FBXL2: variants seen among roughly 807,000 people sequenced by gnomAD.
The protein encoded by FBXL2 is F-box/LRR-repeat protein 2.
A neutral mutation model predicts 69.2 loss-of-function variants in FBXL2; 38 were observed. That is an observed-to-expected ratio of 0.55 (90% CI 0.42 to 0.72). The LOEUF is 0.72. Ranked by LOEUF, FBXL2 falls within the 30% of genes least tolerant of loss-of-function variation. The pLI, the probability that FBXL2 is intolerant of heterozygous loss-of-function variation, is 0.00. For synonymous variants in FBXL2, 192 were observed against 201.3 expected (o/e 0.95, Z 0.39); for missense variants, 354 against 520.3 (o/e 0.68, Z 3.11).
rs769508228 is a variant in FBXL2, at chr3:33,384,165, C to T, written c.1128C>T (p.Cys376=). Residue 376 remains cysteine (C), a synonymous_variant, in exon 14 of 15, where the codon TGC becomes TGT. Transcript: ENST00000484457. ...RGLERLELYD[C]QQVTRAGIKR... is the part of the protein sequence containing the mutation. Reference sequence around the variant, plus strand: ...TGGAGCGCCTCGAGCTGTACGACTGCCAGCAGGTTACCCGTGCAGGCATCA... The same window carrying T: ...TGGAGCGCCTCGAGCTGTACGACTGTCAGCAGGTTACCCGTGCAGGCATCA... The T allele has an allele frequency of 6.8e-6, 11 of 1,614,012 alleles. No individual in the cohort carries two copies. Among genetic ancestry groups the T allele is most frequent in the African/African-American group, 1.3e-5 (1 of 74,926 alleles).
chr3:33,399,374 CCTT>C (rs1214233554), intron 12 of FBXL2, among the ~76,000 whole-genome samples: 17 of 152,084 alleles, frequency 1.1e-4, no homozygotes, highest in South Asian at 2.1e-4. Flanking sequence ...TTTTAAAATT[CCTT>C]CTTAACATTC....
At chr3:33,368,047 A>G (rs1476514714) in intron 5 of FBXL2, among the ~76,000 whole-genome samples, 2 of 152,196 alleles carry the variant, frequency 1.3e-5, no homozygotes, top group Admixed American at 6.5e-5. Flanking sequence ...TCCTAATTCA[A>G]TTCAGTTGTG....
intron 2 of FBXL2, among the ~76,000 whole-genome samples, chr3:33,340,620 T>C (rs562184367): frequency 6.7e-6 from 1 of 148,258 alleles, no homozygotes; most frequent in East Asian, 2.0e-4. Context: ...GGCTGGGCGC[T>C]GTGGCTCATG....
intron 1 of FBXL2, among the ~76,000 whole-genome samples, chr3:33,294,272 T>A (rs2035535630): frequency 6.6e-6 from 1 of 151,802 alleles, no homozygotes; most frequent in African/African-American, 2.4e-5. Context: ...GATTTTTAAA[T>A]TTTTTTGTAG....
At position 33,384,134 on chromosome 3, in the gene FBXL2, G is replaced by A. The variant is rs779117733; in HGVS notation, c.1097G>A (p.Arg366Gln). 1.7e-5 allele frequency: 28 copies of A among 1,614,012 alleles called. No homozygotes were observed. Among genetic ancestry groups the A allele is most frequent in the Non-Finnish European group, 2.2e-5 (26 of 1,180,038 alleles). The change falls in exon 14 of 15, where the codon CGA (arginine) becomes CAA (glutamine). Residue 366 changes from arginine to glutamine, a missense_variant. Arg to Gln is a conservative substitution (Grantham distance 43). Transcript: ENST00000484457. ...DVALEHLENC[R>Q]GLERLELYDC... ...GCCCTGGAACACCTAGAGAACTGCCGAGGCCTGGAGCGCCTCGAGCTGTAC... is the reference window on the plus strand; with the variant it reads ...GCCCTGGAACACCTAGAGAACTGCCAAGGCCTGGAGCGCCTCGAGCTGTAC...
At chr3:33,343,942 A>G (rs1050038109) in intron 2 of FBXL2, among the ~76,000 whole-genome samples, 7 of 152,118 alleles carry the variant, frequency 4.6e-5, no homozygotes, top group African/African-American at 1.7e-4. Context: ...AATAAAAAAT[A>G]TATAAGCATT....
intron 2 of FBXL2, among the ~76,000 whole-genome samples, chr3:33,328,801 A>ATGTGTG (rs60685309): frequency 9.8e-4 from 144 of 146,884 alleles, no homozygotes; most frequent in African/African-American, 2.4e-3. Context: ...GTGTGTGTGC[A>ATGTGTG]TGTGTGTGTG....
intron 2 of FBXL2, among the ~76,000 whole-genome samples, chr3:33,300,849 C>T (rs1004353911): frequency 6.6e-6 from 1 of 150,852 alleles, no homozygotes; most frequent in African/African-American, 2.4e-5. Flanking sequence ...GCTGGGACTA[C>T]AGGTGCCCGC....
At chr3:33,291,005 C>CTA (rs1429011694) in intron 1 of FBXL2, among the ~76,000 whole-genome samples, 1 of 151,862 alleles carries the variant, frequency 6.6e-6, no homozygotes, top group Admixed American at 6.6e-5. Flanking sequence ...ATATAGCCGA[C>CTA]TATAGCCTTA....
At chr3:33,370,474 T>C (rs1244967029) in intron 5 of FBXL2, among the ~76,000 whole-genome samples, 1 of 152,180 alleles carries the variant, frequency 6.6e-6, no homozygotes, top group East Asian at 1.9e-4. Context: ...TTTTGTTTTT[T>C]GTATTTTAAG....
chr3:33,394,473 A>G (rs2043890397), intron 12 of FBXL2, among the ~76,000 whole-genome samples: 1 of 151,778 alleles, frequency 6.6e-6, no homozygotes. Context: ...AAGCTAATAT[A>G]AACAATGAAG....
upstream of FBXL2, chr3:33,277,292 G>C (rs1339766670): frequency 1.0e-5 from 4 of 397,208 alleles, no homozygotes; most frequent in African/African-American, 6.2e-5. Flanking sequence ...GACCAGATAC[G>C]AAGTGGGAGA....
At chr3:33,402,905 C>A in intron 12 of FBXL2, 1 of 1,604,740 alleles carries the variant, frequency 6.2e-7, no homozygotes, top group Non-Finnish European at 8.5e-7. Context: ...ACGGAGAACA[C>A]TAAGGACAGA....
At chr3:33,289,122 T>C (rs554655788) in intron 1 of FBXL2, among the ~76,000 whole-genome samples, 5 of 152,282 alleles carry the variant, frequency 3.3e-5, no homozygotes, top group African/African-American at 1.2e-4. Flanking sequence ...ACTTCGAGTT[T>C]ATCTAGTACA....
chr3:33,350,483 A>T (rs1275181565), intron 2 of FBXL2, among the ~76,000 whole-genome samples: 3 of 151,190 alleles, frequency 2.0e-5, no homozygotes, highest in Non-Finnish European at 2.9e-5. Context: ...CCCAGGCTGG[A>T]GTGCAGTGGT....
At chr3:33,415,884 C>G in the FBXL2 span, 2 of 152,166 alleles carry the variant, frequency 1.3e-5, no homozygotes, top group African/African-American at 4.8e-5. Context: ...CCTAAGTAAC[C>G]TTCCAGGTGC....
At chr3:33,357,472 T>A (rs1028525062) in intron 2 of FBXL2, among the ~76,000 whole-genome samples, 2 of 150,888 alleles carry the variant, frequency 1.3e-5, no homozygotes, top group Admixed American at 1.3e-4. Flanking sequence ...TGAATATGTA[T>A]GTTTAAGTAC....
chr3:33,408,135 G>A (rs2044476872), downstream of FBXL2, among the ~76,000 whole-genome samples: 2 of 151,586 alleles, frequency 1.3e-5, no homozygotes, highest in Admixed American at 1.3e-4. Flanking sequence ...TTTTCTACCA[G>A]TGCTGCCAAA....
At chr3:33,396,124 C>A in intron 12 of FBXL2, 2 of 1,502,838 alleles carry the variant, frequency 1.3e-6, no homozygotes, top group Non-Finnish European at 1.8e-6. Context: ...GTCTGACAGT[C>A]TCAGAAGTGA....
Sources: gnomAD v4.1 joint callset for allele counts (sites outside exome capture counted in the v4.1 genomes callset) on GRCh38, gnomAD v4.1.1 for gene constraint, MANE v1.5 for transcripts, NCBI Gene and HGNC (gene_info 2026-07-23, HGNC 2026-07-21) for gene names.